Variants in PDLIM1 observed in about 807,000 individuals in gnomAD.
The protein encoded by PDLIM1 is PDZ and LIM domain 1, also known as PDZ and LIM domain protein 1.
Under a neutral mutation model 35.2 loss-of-function variants are expected in PDLIM1, and 25 were observed. That is an observed-to-expected ratio of 0.71 (90% CI 0.52 to 0.99). The LOEUF is 0.99. Among genes scored for constraint, PDLIM1 ranks in the 50% least tolerant of loss-of-function variants. The probability of loss-of-function intolerance (pLI) is 0.00; values close to 1 mark genes in which losing one functional copy is unlikely to be tolerated. For synonymous variants in PDLIM1, 152 were observed against 154.0 expected, an observed-to-expected ratio of 0.99 and a Z score of 0.10; for missense variants, 363 against 415.3, an observed-to-expected ratio of 0.87 and a Z score of 1.09.
chr10:95,271,362 G>A (rs960504757), intron 2 of PDLIM1, among the ~76,000 whole-genome samples: 4 of 151,010 alleles, frequency 2.6e-5, no homozygotes, highest in South Asian at 2.1e-4. Context: ...ACTTGAACCC[G>A]GGAGGCAGAG....
intron 1 of PDLIM1, among the ~76,000 whole-genome samples, chr10:95,278,576 ACAAAAGGAAAAAAG>A (rs1259627969): frequency 2.0e-5 from 3 of 152,142 alleles, no homozygotes; most frequent in Non-Finnish European, 4.4e-5. Context: ...GTGCAAAGCC[ACAAAAGGAAAAAAG>A]CAAAAGGAAA....
At position 95,271,763 on chromosome 10, in the gene PDLIM1, C is replaced by A. The variant is rs2035467052; in HGVS notation, c.118G>T (p.Ala40Ser). 2 of 1,611,806 alleles carry A rather than the reference C, an allele frequency of 1.2e-6. No individual in the cohort carries two copies. The highest frequency in any genetic ancestry group is 2.2e-5 in the East Asian group (1 of 44,764). The change falls in exon 2 of 7, where the codon GCT becomes TCT. Residue 40 changes from alanine (A) to serine (S), a missense_variant. Coordinates refer to ENST00000329399, the MANE Select transcript of PDLIM1 (RefSeq NM_020992.4). Reference protein sequence around the residue: ...ISRVTPGSKAALANLCIGDVI... With the variant: ...ISRVTPGSKASLANLCIGDVI... Reference sequence around the variant, plus strand: ...TCTCCAATACATAAATTAGCTAGAGCCGCCTTGCTTCCAGGAGTGACCTAG... The same window carrying A: ...TCTCCAATACATAAATTAGCTAGAGACGCCTTGCTTCCAGGAGTGACCTAG...
intron 4 of PDLIM1, among the ~76,000 whole-genome samples, chr10:95,261,847 A>T (rs1261082749): frequency 2.6e-5 from 4 of 152,090 alleles, no homozygotes; most frequent in Admixed American, 2.0e-4. Flanking sequence ...CATCTATACT[A>T]AAAACACAAA....
At chr10:95,276,420 T>C (rs1333341967) in intron 1 of PDLIM1, among the ~76,000 whole-genome samples, 1 of 152,154 alleles carries the variant, frequency 6.6e-6, no homozygotes, top group African/African-American at 2.4e-5. Context: ...TCCCCTGCCC[T>C]GTACTGATCT....
rs903356614 is a variant in PDLIM1, at chr10:95,276,924, A to T, written c.97-5140T>A. Among the ~76,000 whole-genome samples the T allele has an allele frequency of 2.3e-4, 31 of 135,706 alleles. No individual in the cohort carries two copies. The East Asian group carries it at 6.9e-3, about 30-fold the overall frequency. The allele number at this position is 135,706 out of a possible 152,430, so 89.0% of individuals were successfully genotyped here. On this transcript the variant is annotated intron_variant, in intron 1 of 6. Transcript: ENST00000329399. ...AAAAAAAAAAAAAAAAAAAAAAAAAACTTCTGGGCCAGGCATGGTGGCTTA... is the reference window on the plus strand; with the variant it reads ...AAAAAAAAAAAAAAAAAAAAAAAAATCTTCTGGGCCAGGCATGGTGGCTTA...
intron 1 of PDLIM1, among the ~76,000 whole-genome samples, chr10:95,282,504 G>A (rs1392092519): frequency 2.0e-5 from 3 of 152,202 alleles, no homozygotes; most frequent in Non-Finnish European, 2.9e-5. Flanking sequence ...ACTATGCATG[G>A]TGCAAAAAGA....
intron 1 of PDLIM1, among the ~76,000 whole-genome samples, chr10:95,288,471 C>T (rs1470455156): frequency 2.6e-5 from 4 of 152,172 alleles, no homozygotes; most frequent in Non-Finnish European, 2.9e-5. Context: ...TCAGTGCTCA[C>T]ATTTCCTCAC....
chr10:95,282,545 A>G (rs1345203190), intron 1 of PDLIM1, among the ~76,000 whole-genome samples: 1 of 151,018 alleles, frequency 6.6e-6, no homozygotes, highest in South Asian at 2.1e-4. Context: ...GACAGTTCAA[A>G]GAGACGTGCT....
At chr10:95,240,803 C>T (rs2035171644) in intron 5 of PDLIM1, among the ~76,000 whole-genome samples, 1 of 152,158 alleles carries the variant, frequency 6.6e-6, no homozygotes, top group African/African-American at 2.4e-5. Context: ...CAGCCTGGTG[C>T]GTGTAAAATA....
chr10:95,239,679 C>T (rs2035159725), intron 5 of PDLIM1, among the ~76,000 whole-genome samples: 1 of 152,126 alleles, frequency 6.6e-6, no homozygotes, highest in African/African-American at 2.4e-5. Context: ...ACCTATAGTT[C>T]CAGCTACTCA....
At chr10:95,262,689 C>G (rs2035375397) in intron 4 of PDLIM1, among the ~76,000 whole-genome samples, 1 of 151,688 alleles carries the variant, frequency 6.6e-6, no homozygotes, top group South Asian at 2.1e-4. Flanking sequence ...AATTCCTAAC[C>G]TAGTCCACCC....
At chr10:95,262,664 G>A (rs1425824634) in intron 4 of PDLIM1, among the ~76,000 whole-genome samples, 1 of 148,232 alleles carries the variant, frequency 6.7e-6, no homozygotes, top group Non-Finnish European at 1.5e-5. Context: ...GCCACTTTTG[G>A]GTATTTGAGT....
chr10:95,246,791 A>G (rs1420432054), intron 5 of PDLIM1, among the ~76,000 whole-genome samples: 1 of 152,210 alleles, frequency 6.6e-6, no homozygotes, highest in African/African-American at 2.4e-5. Flanking sequence ...CCCTGGCTTC[A>G]CCGAGCACTA....
chr10:95,245,197 A>G (rs2035209504), intron 5 of PDLIM1, among the ~76,000 whole-genome samples: 1 of 152,174 alleles, frequency 6.6e-6, no homozygotes, highest in Non-Finnish European at 1.5e-5. Context: ...TGACTAAATC[A>G]TGGTCAATAA....
At chr10:95,240,816 C>T (rs1044751636) in intron 5 of PDLIM1, among the ~76,000 whole-genome samples, 7 of 152,266 alleles carry the variant, frequency 4.6e-5, no homozygotes, top group African/African-American at 1.7e-4. Context: ...GTAAAATAAG[C>T]CCCTAGTAGC....
intron 5 of PDLIM1, among the ~76,000 whole-genome samples, chr10:95,245,407 G>A (rs1424670364): frequency 6.6e-6 from 1 of 152,192 alleles, no homozygotes; most frequent in South Asian, 2.1e-4. Context: ...GTGCCGGATA[G>A]GAGTCCAGAT....
intron 3 of PDLIM1, 152 bp from the exon 4 acceptor site, chr10:95,264,215 A>G: frequency 1.6e-6 from 1 of 636,194 alleles, no homozygotes; most frequent in Admixed American, 2.7e-5. Flanking sequence ...TGACACACCC[A>G]CTGAGACACA....
chr10:95,246,248 C>T (rs946408525), intron 5 of PDLIM1, among the ~76,000 whole-genome samples: 4 of 152,174 alleles, frequency 2.6e-5, no homozygotes, highest in African/African-American at 4.8e-5. Context: ...AGGGAAGAAG[C>T]GGGTGTGAGG....
intron 3 of PDLIM1, among the ~76,000 whole-genome samples, chr10:95,266,174 G>A (rs2035415599): frequency 6.6e-6 from 1 of 152,112 alleles, no homozygotes; most frequent in African/African-American, 2.4e-5. Context: ...TCCAGCCTGG[G>A]TGACAGAGCA....
Sources: allele counts gnomAD v4.1 joint callset (sites outside exome capture counted in the v4.1 genomes callset), GRCh38; gene constraint gnomAD v4.1.1; transcripts MANE v1.5; gene names NCBI Gene and HGNC (gene_info 2026-07-23, HGNC 2026-07-21).